The following NPAS3 variants were observed in gnomAD, a reference collection of about 807,000 sequenced individuals.
NPAS3 encodes the protein neuronal PAS domain protein 3.
A neutral mutation model predicts 73.1 loss-of-function variants in NPAS3; 14 were observed. The ratio of observed to expected loss-of-function variants is 0.19; its 90% CI spans 0.13 to 0.30. The LOEUF (loss-of-function observed/expected upper bound fraction) is 0.30, where lower values mean the gene tolerates loss of function less well. Among genes scored for constraint, NPAS3 ranks in the 10% least tolerant of loss-of-function variants. The pLI is 1.00. For missense variants in NPAS3, 1,096 were observed against 1,250.0 expected (o/e 0.88, Z 1.86); for synonymous variants, 620 against 541.5 (o/e 1.14, Z -2.01).
chr14:33,043,009 G>C (rs1305343657), intron 1 of NPAS3, among the ~76,000 whole-genome samples: 1 of 152,096 alleles, frequency 6.6e-6, no homozygotes, highest in African/African-American at 2.4e-5. Context: ...TCTTGCTGCT[G>C]CTGCTTCATA....
chr14:33,165,305 G>A (rs1285520622), intron 2 of NPAS3, among the ~76,000 whole-genome samples: 1 of 151,402 alleles, frequency 6.6e-6, no homozygotes, highest in East Asian at 1.9e-4. Flanking sequence ...ACTATGGTGT[G>A]TGAGTTTTGT....
chr14:33,087,264 T>TGTACA (rs2042070267), intron 2 of NPAS3, among the ~76,000 whole-genome samples: 5 of 148,096 alleles, frequency 3.4e-5, no homozygotes, highest in Admixed American at 1.4e-4. Context: ...TGTACAATAT[T>TGTACA]ATTATGTATA....
intron 4 of NPAS3, among the ~76,000 whole-genome samples, chr14:33,537,790 A>G (rs189987899): frequency 3.3e-3 from 503 of 152,306 alleles, no homozygotes; most frequent in Non-Finnish European, 5.9e-3. Context: ...GAGTCACTCC[A>G]GACACCCATG....
At chr14:33,676,097 C>T in intron 5 of NPAS3, 114 bp from the exon 6 acceptor site, 2 of 1,007,990 alleles carry the variant, frequency 2.0e-6, no homozygotes, top group Non-Finnish European at 3.0e-6. Flanking sequence ...AGGATTGTTT[C>T]TGGGACCTGA....
At chr14:33,410,592 G>A (rs1294483988) in intron 4 of NPAS3, among the ~76,000 whole-genome samples, 2 of 152,254 alleles carry the variant, frequency 1.3e-5, no homozygotes, top group East Asian at 3.9e-4. Context: ...GGCTCCTTCT[G>A]TCAGATCATC....
intron 2 of NPAS3, among the ~76,000 whole-genome samples, chr14:33,125,999 G>A (rs1311138357): frequency 6.6e-6 from 1 of 152,122 alleles, no homozygotes; most frequent in Non-Finnish European, 1.5e-5. Flanking sequence ...ATTAGGAAAA[G>A]GTAAAGGTCA....
chr14:33,625,421 G>A (rs2058192435), intron 5 of NPAS3, among the ~76,000 whole-genome samples: 1 of 152,190 alleles, frequency 6.6e-6, no homozygotes, highest in African/African-American at 2.4e-5. Flanking sequence ...TGGTTTGCTT[G>A]TGACAAATGG....
At chr14:33,389,457 A>G (rs1339619918) in intron 4 of NPAS3, among the ~76,000 whole-genome samples, 2 of 152,180 alleles carry the variant, frequency 1.3e-5, no homozygotes. Flanking sequence ...ACAGAACTCT[A>G]TTAAATATTA....
chr14:33,780,220 G>A (rs935254085), intron 9 of NPAS3, among the ~76,000 whole-genome samples: 1 of 152,204 alleles, frequency 6.6e-6, no homozygotes, highest in Middle Eastern at 3.2e-3. Context: ...CAGGGATTTA[G>A]GGAACACACT....
intron 5 of NPAS3, among the ~76,000 whole-genome samples, chr14:33,657,989 C>G (rs2140260933): frequency 6.6e-6 from 1 of 152,320 alleles, no homozygotes; most frequent in African/African-American, 2.4e-5. Context: ...TGTCGATTTT[C>G]TGGGATGCCA....
rs993942221 is a variant in NPAS3, at chr14:33,472,542, T to C, written c.469-87579T>C. ...CATTTTTCTAACAGACTGTTGAGAA[T>C]AGGCTGGAAGTTGGAAGACTAGGAA... is the stretch of plus-strand genomic sequence containing the variant. On this transcript the variant is annotated intron_variant, in intron 4 of 11. Transcript: ENST00000356141. Among the ~76,000 whole-genome samples, 4 of 151,520 alleles carry C rather than the reference T, an allele frequency of 2.6e-5. 1 individual carries two copies. The highest frequency in any genetic ancestry group is 9.8e-5 in the African/African-American group (4 of 40,802).
intron 1 of NPAS3, among the ~76,000 whole-genome samples, chr14:32,939,888 G>T (rs536270079): frequency 6.6e-6 from 1 of 151,968 alleles, no homozygotes; most frequent in African/African-American, 2.4e-5. Context: ...GCCAGGCCCG[G>T]AATGTGTCGC....
At chr14:33,228,231 T>G (rs1448371000) in intron 3 of NPAS3, among the ~76,000 whole-genome samples, 1 of 152,182 alleles carries the variant, frequency 6.6e-6, no homozygotes, top group African/African-American at 2.4e-5. Flanking sequence ...TTGGGGGAAT[T>G]CTAGCATGTA....
intron 2 of NPAS3, among the ~76,000 whole-genome samples, chr14:33,063,513 G>T (rs888673868): frequency 6.6e-6 from 1 of 152,118 alleles, no homozygotes; most frequent in Non-Finnish European, 1.5e-5. Flanking sequence ...GTGGAATTAG[G>T]ATTAGTATCA....
rs1273061079 is a variant in NPAS3, at chr14:33,215,985, CT to C, written c.385+560del. 2.0e-5 allele frequency among the ~76,000 whole-genome samples: 3 copies of C among 152,260 alleles called. No homozygotes were observed. The East Asian group carries it at 5.8e-4, about 29-fold the overall frequency. ...TTTATTCAAATCCTTGATGCAGTTA[CT>C]CTTACAACTTAGTATCTTTAAATGT... On this transcript the variant is annotated intron_variant, in intron 3 of 11. Transcript: ENST00000356141.
At chr14:33,011,084 A>G (rs1169827222) in intron 1 of NPAS3, among the ~76,000 whole-genome samples, 1 of 152,234 alleles carries the variant, frequency 6.6e-6, no homozygotes, top group Non-Finnish European at 1.5e-5. Flanking sequence ...ATCGAGGAAT[A>G]GATGTTTGCA....
chr14:33,221,032 C>T (rs144874019), intron 3 of NPAS3, among the ~76,000 whole-genome samples: 2 of 152,254 alleles, frequency 1.3e-5, no homozygotes, highest in African/African-American at 4.8e-5. Context: ...GGTTAGGCTG[C>T]GAATTGGCAA....
intron 7 of NPAS3, among the ~76,000 whole-genome samples, chr14:33,757,064 A>T (rs1472628744): frequency 6.6e-6 from 1 of 152,206 alleles, no homozygotes; most frequent in South Asian, 2.1e-4. Context: ...GAAGATAAAC[A>T]CAAGGCAGAT....
At chr14:33,719,492 C>A (rs1416585463) in intron 6 of NPAS3, among the ~76,000 whole-genome samples, 1 of 152,144 alleles carries the variant, frequency 6.6e-6, no homozygotes, top group African/African-American at 2.4e-5. Context: ...TTACTCAAAG[C>A]AAATACATTA....
Sources: allele counts gnomAD v4.1 joint callset (sites outside exome capture counted in the v4.1 genomes callset), GRCh38; gene constraint gnomAD v4.1.1; transcripts MANE v1.5; gene names NCBI Gene and HGNC (gene_info 2026-07-23, HGNC 2026-07-21).